The following BCOR variants were observed in gnomAD, a reference collection of about 807,000 sequenced individuals.
BCOR encodes BCL6 corepressor.
BCOR carries 10 observed loss-of-function variants against 86.7 expected under a neutral mutation model. The ratio of observed to expected loss-of-function variants is 0.12; its 90% confidence interval spans 0.07 to 0.20. The LOEUF (loss-of-function observed/expected upper bound fraction) is 0.20, where lower values mean the gene tolerates loss of function less well. BCOR is among the 10% of genes least tolerant of loss of function. The probability of loss-of-function intolerance (pLI) is 1.00; values close to 1 mark genes in which losing one functional copy is unlikely to be tolerated. For synonymous variants in BCOR, 611 were observed against 609.0 expected (o/e 1.00, Z -0.05); for missense variants, 1,259 against 1,452.1 (o/e 0.87, Z 2.16).
chrX:40,061,732 C>T (rs1934885191), intron 10 of BCOR, among the ~76,000 whole-genome samples: 1 of 102,848 alleles, frequency 9.7e-6, no homozygotes, highest in Non-Finnish European at 2.0e-5. Flanking sequence ...GGCCACCCTT[C>T]CACCCGAAAC....
chrX:40,116,139 T>C (rs185411803), intron 1 of BCOR, among the ~76,000 whole-genome samples: 89 of 111,875 alleles, frequency 8.0e-4, no homozygotes, highest in African/African-American at 2.8e-3. Flanking sequence ...TATTAAGGGC[T>C]TTCTATCTGC....
chrX:40,125,025 CG>C (rs1238372569), intron 1 of BCOR, among the ~76,000 whole-genome samples: 11 of 11,064 alleles, frequency 9.9e-4, no homozygotes, highest in Admixed American at 3.9e-3. Flanking sequence ...TGTGTGGCGT[CG>C]GGGGGGCGGG....
At chrX:40,103,011 C>T (rs1459340436) in intron 1 of BCOR, among the ~76,000 whole-genome samples, 1 of 111,464 alleles carries the variant, frequency 9.0e-6, no homozygotes, top group Non-Finnish European at 1.9e-5. Context: ...TTCCGAACCA[C>T]TCTGCTCTCG....
intron 1 of BCOR, among the ~76,000 whole-genome samples, chrX:40,079,753 C>T (rs781722902): frequency 5.4e-5 from 6 of 111,252 alleles, no homozygotes; most frequent in Admixed American, 4.7e-4. Flanking sequence ...TATAAGGGTT[C>T]GTGGGCTTTT....
intron 1 of BCOR, among the ~76,000 whole-genome samples, chrX:40,161,614 C>T (rs1399428461): frequency 1.9e-5 from 2 of 103,673 alleles, no homozygotes; most frequent in South Asian, 9.1e-4. Context: ...CCTGGGTTCA[C>T]GCCATTCTCC....
chrX:40,086,997 G>A (rs930545466), intron 1 of BCOR, among the ~76,000 whole-genome samples: 2 of 113,586 alleles, frequency 1.8e-5, no homozygotes, highest in Admixed American at 1.8e-4. Context: ...ATTTCCGTGT[G>A]GCTCATCAGC....
At chrX:40,104,882 C>T (rs897263947) in intron 1 of BCOR, among the ~76,000 whole-genome samples, 3 of 112,007 alleles carry the variant, frequency 2.7e-5, no homozygotes, top group African/African-American at 9.7e-5. Flanking sequence ...GCCCGAGTTC[C>T]CCTCGGGCGA....
chrX:40,079,317 G>A (rs1433906636), intron 1 of BCOR, among the ~76,000 whole-genome samples: 2 of 112,414 alleles, frequency 1.8e-5, no homozygotes, highest in Non-Finnish European at 3.8e-5. Flanking sequence ...TTTAGCACAC[G>A]GAGCAGACTG....
chrX:40,143,952 G>A (rs775032625), intron 1 of BCOR, among the ~76,000 whole-genome samples: 3 of 112,449 alleles, frequency 2.7e-5, no homozygotes, highest in South Asian at 3.7e-4. Flanking sequence ...GCAAGACTCC[G>A]TCCTGAGAAA....
chrX:40,106,549 C>CCTCCCGCCCTCCCCGCG (rs1173543647), intron 1 of BCOR, among the ~76,000 whole-genome samples: 47 of 110,106 alleles, frequency 4.3e-4, no homozygotes, highest in East Asian at 8.7e-4. Flanking sequence ...CGCGCTCCCG[C>CCTCCCGCCCTCCCCGCG]CTCCCGCCCT....
chrX:40,141,178 G>A (rs1233594014), intron 1 of BCOR, among the ~76,000 whole-genome samples: 3 of 112,667 alleles, frequency 2.7e-5, no homozygotes, highest in Non-Finnish European at 3.8e-5. Flanking sequence ...GGGGGGCGAC[G>A]GGGCCTGAGC....
At chrX:40,070,545 G>GTT (rs763874641) in intron 6 of BCOR, among the ~76,000 whole-genome samples, 1 of 111,706 alleles carries the variant, frequency 9.0e-6, no homozygotes, top group East Asian at 2.8e-4. Context: ...ACGGTAAATC[G>GTT]TAACGCTCAT....
At chrX:40,098,561 C>T (rs2147766680), upstream of BCOR, among the ~76,000 whole-genome samples, 1 of 111,370 alleles carries the variant, frequency 9.0e-6, no homozygotes, top group East Asian at 2.9e-4. Context: ...CCATAAAGCG[C>T]CTCGCACTCC....
intron 1 of BCOR, among the ~76,000 whole-genome samples, chrX:40,089,799 C>T (rs1288489582): frequency 8.9e-6 from 1 of 111,749 alleles, no homozygotes; most frequent in East Asian, 2.8e-4. Context: ...AGAGCAAAAG[C>T]CCTTTGGAGG....
intron 1 of BCOR, among the ~76,000 whole-genome samples, chrX:40,170,936 A>G (rs1231784531): frequency 2.7e-5 from 3 of 112,055 alleles, no homozygotes; most frequent in African/African-American, 9.7e-5. Flanking sequence ...AGTGAAGCAG[A>G]AGGGTTGAGC....
chrX:40,107,901 G>A (rs754783209), intron 1 of BCOR, among the ~76,000 whole-genome samples: 13 of 113,699 alleles, frequency 1.1e-4, no homozygotes, highest in Non-Finnish European at 2.1e-4. Flanking sequence ...ATACGCGGGA[G>A]GCGAAATCCT....
rs1004731184 is a variant in BCOR, at chrX:40,084,915, G to C, written c.-40-6946C>G. On this transcript the variant is annotated intron_variant, in intron 1 of 14. Coordinates refer to ENST00000378444, the MANE Select transcript of BCOR (RefSeq NM_001123385.2). ...AAGGCTGGGATGAGGGTCAGAGAAG[G>C]AGAGGGGCACCCACCTTCTTTACAA... Among the ~76,000 whole-genome samples, 4 of 112,284 alleles carry C rather than the reference G, an allele frequency of 3.6e-5. No homozygotes were observed. The Admixed American group carries it at 3.7e-4, about 11-fold the overall frequency.
At chrX:40,165,803 T>G (rs1243412639) in intron 1 of BCOR, among the ~76,000 whole-genome samples, 2 of 111,423 alleles carry the variant, frequency 1.8e-5, no homozygotes, top group African/African-American at 6.6e-5. Context: ...CTAGTTTTGC[T>G]TTGTTTGAGA....
At chrX:40,105,180 G>C (rs1214384352) in intron 1 of BCOR, among the ~76,000 whole-genome samples, 3 of 110,048 alleles carry the variant, frequency 2.7e-5, no homozygotes, top group Non-Finnish European at 5.7e-5. Flanking sequence ...CCGCCTCCCC[G>C]CCCCTCCCCG....
Sources: gnomAD v4.1 joint callset for allele counts (sites outside exome capture counted in the v4.1 genomes callset) on GRCh38, gnomAD v4.1.1 for gene constraint, MANE v1.5 for transcripts, NCBI Gene and HGNC (gene_info 2026-07-23, HGNC 2026-07-21) for gene names.